The following SBF2 variants were observed in gnomAD, a reference collection of about 807,000 sequenced individuals.
SBF2 encodes the protein myotubularin-related protein 13.
In SBF2, 112 loss-of-function variants were observed where a neutral mutation model predicts 225.2. The ratio of observed to expected loss-of-function variants is 0.50; its 90% CI spans 0.43 to 0.58. The LOEUF is 0.58. SBF2 is among the 20% of genes least tolerant of loss of function. The pLI is 0.00. For missense variants in SBF2, 1,996 were observed against 2,206.2 expected (o/e 0.90, Z 1.91); for synonymous variants, 763 against 773.3 (o/e 0.99, Z 0.22).
chr11:10,027,924 C>T (rs1422026609), intron 6 of SBF2, among the ~76,000 whole-genome samples: 2 of 152,144 alleles, frequency 1.3e-5, no homozygotes, highest in Non-Finnish European at 2.9e-5. Flanking sequence ...CATCTTTTAG[C>T]ATAAAGAAAA....
chr11:10,212,972 C>G (rs370308388), intron 1 of SBF2, among the ~76,000 whole-genome samples: 2 of 152,076 alleles, frequency 1.3e-5, no homozygotes, highest in Non-Finnish European at 2.9e-5. Context: ...TCGCTTGAAC[C>G]CGGGAGGCGG....
chr11:10,181,665 C>T (rs564173136), intron 2 of SBF2, among the ~76,000 whole-genome samples: 4 of 152,192 alleles, frequency 2.6e-5, no homozygotes, highest in Non-Finnish European at 5.9e-5. Context: ...CCTTCCTGGA[C>T]ACATCTCAAT....
rs148193056 is a variant in SBF2, at chr11:10,171,951, A to G, written c.141+21951T>C. On this transcript the variant is annotated intron_variant, in intron 2 of 39. Transcript: ENST00000256190. The stretch of plus-strand genomic sequence containing the variant: ...TGACATATAGTTGGTCACAGTAGCC[A>G]CTAATGGTCCTTTGAATATCTGCAG... Among the ~76,000 whole-genome samples, 934 of 152,298 alleles carry G rather than the reference A, an allele frequency of 6.1e-3. 8 individuals carry two copies. Among genetic ancestry groups the G allele is most frequent in the Non-Finnish European group, 9.1e-3 (616 of 68,012 alleles).
At chr11:9,828,214 T>G in intron 28 of SBF2, 1 of 1,289,500 alleles carries the variant, frequency 7.8e-7, no homozygotes, top group Non-Finnish European at 1.0e-6. Context: ...AAGTCCTCCT[T>G]TCAGTCCCTA....
chr11:9,805,635 T>TC (rs764346019), intron 32 of SBF2, among the ~76,000 whole-genome samples: 2 of 151,864 alleles, frequency 1.3e-5, no homozygotes, highest in Non-Finnish European at 1.5e-5. Context: ...TTTTTTTTTT[T>TC]CCCCCAAGAC....
intron 2 of SBF2, among the ~76,000 whole-genome samples, chr11:10,049,908 T>C (rs1278385432): frequency 1.3e-5 from 2 of 152,192 alleles, no homozygotes; most frequent in African/African-American, 4.8e-5. Context: ...GTGAATAAGG[T>C]ACATCATTTT....
chr11:9,840,274 C>T (rs868102414), intron 25 of SBF2, among the ~76,000 whole-genome samples: 5 of 145,588 alleles, frequency 3.4e-5, no homozygotes, highest in Middle Eastern at 3.2e-3. Context: ...AAAACAAACC[C>T]GCTACTTTTG....
At chr11:10,201,726 T>C (rs1302456455) in intron 1 of SBF2, among the ~76,000 whole-genome samples, 1 of 152,234 alleles carries the variant, frequency 6.6e-6, no homozygotes, top group Non-Finnish European at 1.5e-5. Context: ...GCATTTTTAC[T>C]GACTCACGCC....
At chr11:10,024,562 ACC>A (rs1291811968) in intron 6 of SBF2, among the ~76,000 whole-genome samples, 1 of 151,410 alleles carries the variant, frequency 6.6e-6, no homozygotes, top group Non-Finnish European at 1.5e-5. Context: ...ATCTCCCCAA[ACC>A]CCTTCTTTGT....
At chr11:10,297,893 G>A (rs1295281947), upstream of SBF2, among the ~76,000 whole-genome samples, 3 of 152,230 alleles carry the variant, frequency 2.0e-5, no homozygotes, top group Admixed American at 6.5e-5. Context: ...AAACTGATAA[G>A]CCCTGACAAG....
chr11:9,809,257 G>A (rs1854033186), intron 30 of SBF2: 2 of 406,844 alleles, frequency 4.9e-6, no homozygotes, highest in Admixed American at 3.9e-5. Context: ...TTTGAGGTTC[G>A]GAGTTCGAGA....
At chr11:10,231,402 G>A (rs1296360312) in intron 1 of SBF2, among the ~76,000 whole-genome samples, 2 of 152,068 alleles carry the variant, frequency 1.3e-5, no homozygotes, top group African/African-American at 4.8e-5. Context: ...TAGAGTCTCT[G>A]GTTTTTCTGC....
At chr11:10,172,883 G>T (rs1331425058) in intron 2 of SBF2, among the ~76,000 whole-genome samples, 2 of 152,104 alleles carry the variant, frequency 1.3e-5, no homozygotes, top group African/African-American at 4.8e-5. Flanking sequence ...GGCCAGGCTG[G>T]TCTTGAACTA....
At chr11:9,805,149 GGTGGGAAGACTGC>G (rs892593336) in intron 32 of SBF2, among the ~76,000 whole-genome samples, 4 of 152,000 alleles carry the variant, frequency 2.6e-5, no homozygotes, top group African/African-American at 9.7e-5. Flanking sequence ...GGGAGGCCAA[GGTGGGAAGACTGC>G]GTGAGCCTGG....
chr11:9,878,133 T>G (rs959927205), intron 17 of SBF2, among the ~76,000 whole-genome samples: 5 of 152,216 alleles, frequency 3.3e-5, no homozygotes, highest in Admixed American at 6.5e-5. Context: ...TGATTTGCAT[T>G]TCTCTGATGA....
At chr11:9,835,218 C>T (rs997033277) in intron 26 of SBF2, among the ~76,000 whole-genome samples, 3 of 152,220 alleles carry the variant, frequency 2.0e-5, no homozygotes, top group South Asian at 4.2e-4. Context: ...TACAAATGCT[C>T]AAAACCTAGG....
chr11:9,787,609 C>G, intron 36 of SBF2, 25 bp downstream of exon 36: 1 of 1,593,186 alleles, frequency 6.3e-7, no homozygotes, highest in Non-Finnish European at 8.6e-7. Flanking sequence ...TCAGAAGTGG[C>G]TCTCAAGGGG....
At chr11:9,800,686 C>A (rs756219970) in intron 32 of SBF2, among the ~76,000 whole-genome samples, 1 of 151,946 alleles carries the variant, frequency 6.6e-6, no homozygotes, top group African/African-American at 2.4e-5. Flanking sequence ...GGATTACAGG[C>A]GTGAGCCACC....
chr11:9,843,785 T>C (rs1320352166), intron 24 of SBF2: 1 of 152,230 alleles, frequency 6.6e-6, no homozygotes, highest in Admixed American at 6.5e-5. Context: ...GTAAATCACT[T>C]GTGTAACTTT....
Sources: allele counts gnomAD v4.1 joint callset (sites outside exome capture counted in the v4.1 genomes callset), GRCh38; gene constraint gnomAD v4.1.1; transcripts MANE v1.5; gene names NCBI Gene and HGNC (gene_info 2026-07-23, HGNC 2026-07-21).